Variants in TRERF1 observed in about 807,000 individuals in gnomAD.
TRERF1 encodes transcriptional-regulating factor 1.
TRERF1 carries 27 observed loss-of-function variants against 122.9 expected under a neutral mutation model. The observed-to-expected ratio is 0.22, with a 90% CI of 0.16 to 0.30. The LOEUF is 0.30. Among genes scored for constraint, TRERF1 ranks in the 10% least tolerant of loss-of-function variants. The probability of loss-of-function intolerance (pLI) is 1.00; values close to 1 mark genes in which losing one functional copy is unlikely to be tolerated. For synonymous variants in TRERF1, 636 were observed against 641.7 expected, an observed-to-expected ratio of 0.99 and a Z score of 0.13; for missense variants, 1,248 against 1,560.3, an observed-to-expected ratio of 0.80 and a Z score of 3.37.
chr6:42,263,090 G>T lies in TRERF1; in HGVS notation c.1884+230C>A, dbSNP rs372803427. On this transcript the variant is annotated intron_variant, in intron 8 of 17. Coordinates refer to ENST00000372922, the Ensembl canonical transcript of TRERF1. This position sits in a 1 kb window ranked among gnomAD's most constrained non-coding sequence, Gnocchi z 5.6. The stretch of plus-strand genomic sequence containing the variant: ...TAGGCCATTAGTTTGGCATTTAATG[G>T]GGAGCAGGCAGTGTGAACAAGGGTA... Among the ~76,000 whole-genome samples, 1 of 152,190 alleles carries T rather than the reference G, an allele frequency of 6.6e-6. No individual in the cohort carries two copies. Among genetic ancestry groups the T allele is most frequent in the Non-Finnish European group, 1.5e-5 (1 of 68,024 alleles).
chr6:42,305,491 T>C (rs1004061281), intron 3 of TRERF1, among the ~76,000 whole-genome samples: 6 of 152,056 alleles, frequency 3.9e-5, no homozygotes, highest in African/African-American at 9.7e-5. Context: ...AAGAAATTAA[T>C]ACACAGGAAC....
At chr6:42,410,153 T>G (rs1166371954) in intron 2 of TRERF1, among the ~76,000 whole-genome samples, 2 of 152,124 alleles carry the variant, frequency 1.3e-5, no homozygotes, top group Non-Finnish European at 2.9e-5. Flanking sequence ...TTCAAGACTC[T>G]TTTTTTGAGA....
At chr6:42,433,948 A>G (rs908966308) in intron 2 of TRERF1, among the ~76,000 whole-genome samples, 7 of 152,154 alleles carry the variant, frequency 4.6e-5, no homozygotes, top group African/African-American at 1.4e-4. Context: ...ACTTGGGCCC[A>G]TGAGTTTGAG....
intron 4 of TRERF1, among the ~76,000 whole-genome samples, chr6:42,299,315 T>C (rs766324480): frequency 2.0e-5 from 3 of 151,438 alleles, no homozygotes; most frequent in Non-Finnish European, 4.4e-5. Flanking sequence ...AATAAGAAGA[T>C]GGAAAATGAA....
chr6:42,315,000 A>G (rs1022093076), intron 3 of TRERF1, among the ~76,000 whole-genome samples: 2 of 152,234 alleles, frequency 1.3e-5, no homozygotes, highest in South Asian at 4.1e-4. Flanking sequence ...TGAGCAAAGC[A>G]TGAAGATGTG....
chr6:42,263,017 GTC>G lies in TRERF1; in HGVS notation c.1884+301_1884+302del, dbSNP rs1465768974. Among the ~76,000 whole-genome samples, 11 of 152,170 alleles carry G rather than the reference GTC, an allele frequency of 7.2e-5. No homozygotes were observed. The highest frequency in any genetic ancestry group is 2.4e-4 in the African/African-American group (10 of 41,438). On this transcript the variant is annotated intron_variant, in intron 8 of 17. Coordinates refer to ENST00000372922, the Ensembl canonical transcript of TRERF1. This position sits in a 1 kb window ranked among gnomAD's most constrained non-coding sequence, Gnocchi z 5.6. ...CTCAGTGACTCCCAGCTGAATGATCGTCTCTGTTTAAACCTGGGAACACTTTC... is the reference window on the plus strand; with the variant it reads ...CTCAGTGACTCCCAGCTGAATGATCGTCTGTTTAAACCTGGGAACACTTTC...
At chr6:42,333,433 C>T (rs1186204039) in intron 3 of TRERF1, among the ~76,000 whole-genome samples, 2 of 152,198 alleles carry the variant, frequency 1.3e-5, no homozygotes, top group African/African-American at 4.8e-5. Flanking sequence ...ATCCAAAGGA[C>T]CCGGAACGTT....
At chr6:42,408,257 ATGTGTGTG>A (rs764767829) in intron 2 of TRERF1, among the ~76,000 whole-genome samples, 1 of 87,606 alleles carries the variant, frequency 1.1e-5, no homozygotes, top group East Asian at 3.5e-4. Flanking sequence ...ATACATACAC[ATGTGTGTG>A]TATGTATATA....
chr6:42,307,165 T>C (rs1318858765), intron 3 of TRERF1, among the ~76,000 whole-genome samples: 1 of 152,212 alleles, frequency 6.6e-6, no homozygotes, highest in East Asian at 1.9e-4. Context: ...TGCTTGCATA[T>C]ACAATGTATC....
At chr6:42,238,031 A>C (rs1474309328) in intron 15 of TRERF1, among the ~76,000 whole-genome samples, 2 of 152,220 alleles carry the variant, frequency 1.3e-5, no homozygotes, top group Admixed American at 1.3e-4. Context: ...TTTATGATCT[A>C]AGCAGCCAGC....
chr6:42,305,671 T>A (rs1787079156), intron 3 of TRERF1, among the ~76,000 whole-genome samples: 1 of 151,574 alleles, frequency 6.6e-6, no homozygotes. Flanking sequence ...CCAAATGAAG[T>A]GTGAAGAATT....
chr6:42,435,823 T>A (rs1228304428), intron 2 of TRERF1, among the ~76,000 whole-genome samples: 2 of 135,470 alleles, frequency 1.5e-5, no homozygotes, highest in Admixed American at 7.6e-5. Context: ...AAAAAAAAAA[T>A]ACAAAAGTTA....
intron 3 of TRERF1, among the ~76,000 whole-genome samples, chr6:42,313,885 G>T (rs1198398616): frequency 6.6e-6 from 1 of 152,152 alleles, no homozygotes; most frequent in Non-Finnish European, 1.5e-5. Context: ...CCTTCTGAGA[G>T]CCATGGTCTT....
At chr6:42,309,775 A>C (rs1196087035) in intron 3 of TRERF1, among the ~76,000 whole-genome samples, 1 of 152,156 alleles carries the variant, frequency 6.6e-6, no homozygotes, top group Non-Finnish European at 1.5e-5. Context: ...TTAAAAATTT[A>C]CTTTATTTTA....
intron 16 of TRERF1, among the ~76,000 whole-genome samples, 197 bp from the exon 17 acceptor site, chr6:42,233,125 C>T (rs111818118): frequency 3.2e-4 from 48 of 152,180 alleles, no homozygotes; most frequent in African/African-American, 1.0e-3. Flanking sequence ...GAAGAAGCGA[C>T]GTGGCACAGG....
At chr6:42,266,251 T>A (rs892391085) in intron 5 of TRERF1, among the ~76,000 whole-genome samples, 1 of 149,610 alleles carries the variant, frequency 6.7e-6, no homozygotes, top group African/African-American at 2.5e-5. Context: ...TGCAGTAGCA[T>A]GATCATGGCT....
At chr6:42,302,084 C>CA (rs1218084895) in intron 3 of TRERF1, among the ~76,000 whole-genome samples, 1 of 152,130 alleles carries the variant, frequency 6.6e-6, no homozygotes, top group Non-Finnish European at 1.5e-5. Flanking sequence ...CTGAACTTCC[C>CA]AACCCTAACT....
chr6:42,443,008 GAT>G (rs746660713), intron 2 of TRERF1, among the ~76,000 whole-genome samples: 2 of 152,182 alleles, frequency 1.3e-5, no homozygotes, highest in Non-Finnish European at 2.9e-5. Context: ...ACACAAATAA[GAT>G]ATGTCAAAGA....
chr6:42,450,917 C>T (rs1788363309), intron 2 of TRERF1, among the ~76,000 whole-genome samples: 1 of 152,192 alleles, frequency 6.6e-6, no homozygotes, highest in African/African-American at 2.4e-5. Context: ...AATGCAAGCC[C>T]ACCATCACTA....
Sources: allele counts gnomAD v4.1 joint callset (sites outside exome capture counted in the v4.1 genomes callset), GRCh38; gene constraint gnomAD v4.1.1; non-coding constraint Gnocchi (gnomAD v3.1); transcripts MANE v1.5; gene names NCBI Gene and HGNC (gene_info 2026-07-23, HGNC 2026-07-21).